Variants in NAA20 observed in about 807,000 individuals in gnomAD.
NAA20 encodes the protein N-alpha-acetyltransferase 20.
Under a neutral mutation model 23.8 loss-of-function variants are expected in NAA20, and 24 were observed. That is an observed-to-expected ratio of 1.01 (90% CI 0.73 to 1.42). The LOEUF is 1.42. Among genes scored for constraint, NAA20 ranks in the 40% most tolerant of loss-of-function variants. NAA20 has a pLI of 0.00. For synonymous variants in NAA20, 83 were observed against 77.7 expected, an observed-to-expected ratio of 1.07 and a Z score of -0.36; for missense variants, 166 against 223.1, an observed-to-expected ratio of 0.74 and a Z score of 1.63.
intron 2 of NAA20, among the ~76,000 whole-genome samples, chr20:20,022,887 G>A (rs1031427962): frequency 6.6e-6 from 1 of 152,202 alleles, no homozygotes; most frequent in African/African-American, 2.4e-5. Context: ...TGCAGTTTAA[G>A]CACTCTACCC....
intron 1 of NAA20, 138 bp from the exon 2 acceptor site, chr20:20,022,318 C>A: frequency 1.4e-6 from 1 of 721,596 alleles, no homozygotes; most frequent in Non-Finnish European, 2.2e-6. Flanking sequence ...TCTGCCTCAG[C>A]CCTAAAGTTG....
At chr20:20,027,595 C>T (rs1293072436) in intron 4 of NAA20, among the ~76,000 whole-genome samples, 3 of 152,030 alleles carry the variant, frequency 2.0e-5, no homozygotes, top group African/African-American at 4.8e-5. Context: ...CATGATCTTA[C>T]GTTGAATTTG....
chr20:20,022,494 CAAAAA>C lies in NAA20; in HGVS notation c.78+22_78+26del. ...CTTACAGAAACTGTATCCTTTTTTACAAAAAAAAAAAAGTTGAATGAAGATTTACT... is the reference window on the plus strand; with the variant it reads ...CTTACAGAAACTGTATCCTTTTTTACAAAAAAAGTTGAATGAAGATTTACT... On this transcript the variant is annotated intron_variant, in intron 2 of 5. Coordinates refer to ENST00000334982, the MANE Select transcript of NAA20 (RefSeq NM_016100.5). 3 of 1,187,602 alleles carry C rather than the reference CAAAAA, an allele frequency of 2.5e-6. No individual in the cohort carries two copies. The highest frequency in any genetic ancestry group is 2.3e-6 in the Non-Finnish European group (2 of 886,180). The allele number at this position is 1,187,602 out of a possible 1,614,324, so 73.6% of individuals were successfully genotyped here.
chr20:20,017,305 C>A, upstream of NAA20: 8 of 1,544,238 alleles, frequency 5.2e-6, no homozygotes, highest in Non-Finnish European at 7.1e-6. Context: ...TACCCCGTCT[C>A]GCTCGGTTCC....
intron 1 of NAA20, chr20:20,017,900 G>A: frequency 6.2e-7 from 1 of 1,600,152 alleles, no homozygotes; most frequent in East Asian, 2.2e-5. Flanking sequence ...GCCGCAGAGG[G>A]GGCTTGCGAG....
intron 4 of NAA20, among the ~76,000 whole-genome samples, chr20:20,027,169 TCCAAA>T (rs2043312338): frequency 6.6e-6 from 1 of 152,208 alleles, no homozygotes; most frequent in African/African-American, 2.4e-5. Context: ...GCAATTCAGT[TCCAAA>T]GGCTAGCTCT....
At chr20:20,017,565 G>T (rs1280981031) in intron 1 of NAA20, 116 bp downstream of exon 1, 14 of 1,391,436 alleles carry the variant, frequency 1.0e-5, no homozygotes, top group Non-Finnish European at 1.3e-5. Flanking sequence ...ACGGGGACCC[G>T]CGAGAACCAC....
Position 20,032,444 on chromosome 20 carries a change from G to A in NAA20, c.306-64G>A, listed in dbSNP as rs563346941. On this transcript the variant is annotated intron_variant, in intron 4 of 5. Transcript: ENST00000334982. ...TAAAAACACGTTTTAAAAAAAATAT[G>A]TATCTATTACTTTCTAGGGTTTCTC... 1.9e-5 allele frequency: 29 copies of A among 1,510,560 alleles called. No homozygotes were observed. In the African/African-American group the frequency reaches 3.2e-4, roughly 17 times the overall value. The allele number at this position is 1,510,560 out of a possible 1,614,324, so 93.6% of individuals were successfully genotyped here.
chr20:20,017,663 C>T, intron 1 of NAA20: 1 of 1,387,228 alleles, frequency 7.2e-7, no homozygotes, highest in East Asian at 2.6e-5. Flanking sequence ...GCCTTGGCGA[C>T]CTTGGCCGAG....
At chr20:20,018,360 A>G (rs2043245788) in intron 1 of NAA20, 3 of 386,850 alleles carry the variant, frequency 7.8e-6, no homozygotes, top group South Asian at 7.1e-5. Flanking sequence ...CCCATCTATC[A>G]GTCCTGGATC....
chr20:20,018,118 G>C, intron 1 of NAA20: 1 of 1,601,398 alleles, frequency 6.2e-7, no homozygotes, highest in Non-Finnish European at 8.6e-7. Context: ...AGTCACGGCA[G>C]ATCTTAGGGG....
intron 1 of NAA20, among the ~76,000 whole-genome samples, chr20:20,019,904 C>G (rs2043256308): frequency 6.6e-6 from 1 of 152,158 alleles, no homozygotes; most frequent in African/African-American, 2.4e-5. Context: ...TTTGTATTTA[C>G]TTGCCTCTTT....
chr20:20,022,641 G>C, intron 2 of NAA20, 161 bp downstream of exon 2: 1 of 572,274 alleles, frequency 1.7e-6, no homozygotes, highest in Non-Finnish European at 2.9e-6. Context: ...GTGAAACTGA[G>C]AACAAGAGTT....
At chr20:20,017,979 T>C in intron 1 of NAA20, 1 of 1,614,144 alleles carries the variant, frequency 6.2e-7, no homozygotes. Flanking sequence ...CGTGGTTAAA[T>C]TGTATCCAAA....
At chr20:20,030,707 CAT>C (rs1216963288) in intron 4 of NAA20, among the ~76,000 whole-genome samples, 1 of 149,754 alleles carries the variant, frequency 6.7e-6, no homozygotes, top group Non-Finnish European at 1.5e-5. Context: ...ATTGTATTTA[CAT>C]ATGAGAGGAA....
chr20:20,017,327 G>T (rs1238479895), upstream of NAA20: 4 of 1,594,780 alleles, frequency 2.5e-6, no homozygotes, highest in East Asian at 6.8e-5. Flanking sequence ...CGGCGGCCAC[G>T]CTCCGGGAGA....
chr20:20,033,267 A>G lies in NAA20; in HGVS notation c.*80A>G, dbSNP rs577930015. The stretch of plus-strand genomic sequence containing the variant: ...TTTCATTGGATGATTCTGGAGCTCT[A>G]TTAGGAGAAAAGTAATCATTTTAGG... On this transcript the variant is annotated 3_prime_UTR_variant, in exon 6 of 6. Transcript: ENST00000334982. The G allele has an allele frequency of 2.2e-5, 25 of 1,153,244 alleles. No homozygotes were observed. In the South Asian group the frequency reaches 2.4e-4, roughly 11 times the overall value. The allele number at this position is 1,153,244 out of a possible 1,614,324, so 71.4% of individuals were successfully genotyped here. A position where few individuals can be genotyped will look rare whatever the true frequency, so the allele number is the denominator to read the frequency against.
At position 20,032,587 on chromosome 20, in the gene NAA20, A is replaced by C. The variant is rs757056361; in HGVS notation, c.385A>C (p.Ser129Arg). Residue 129 changes from serine to arginine, a missense_variant, in exon 5 of 6, where the codon AGT becomes CGT. Physicochemically the swap from Ser to Arg is moderately radical, Grantham distance 110. Transcript: ENST00000334982. ...AVNMYKQLGY[S>R]VYRTVIEYYS... ...TAACATGTACAAGCAGTTGGGCTAC[A>C]GTGTATATAGGACGGTCATAGAGTA... 5 of 1,613,768 alleles carry C rather than the reference A, an allele frequency of 3.1e-6. No homozygotes were observed. In the South Asian group the frequency reaches 4.4e-5, roughly 14 times the overall value.
At chr20:20,029,567 A>G (rs2043328396) in intron 4 of NAA20, among the ~76,000 whole-genome samples, 2 of 151,860 alleles carry the variant, frequency 1.3e-5, no homozygotes, top group Non-Finnish European at 2.9e-5. Context: ...CAGTGAGCCA[A>G]GATCACGCCA....
Sources: allele counts gnomAD v4.1 joint callset (sites outside exome capture counted in the v4.1 genomes callset), GRCh38; gene constraint gnomAD v4.1.1; transcripts MANE v1.5; gene names NCBI Gene and HGNC (gene_info 2026-07-23, HGNC 2026-07-21).